The following NXN variants were observed in gnomAD, a reference collection of about 807,000 sequenced individuals.
NXN encodes nucleoredoxin 1.
A neutral mutation model predicts 48.6 loss-of-function variants in NXN; 16 were observed. The observed-to-expected ratio is 0.33, with a 90% CI of 0.22 to 0.50. NXN has a LOEUF of 0.50. Ranked by LOEUF, NXN falls within the 20% of genes least tolerant of loss-of-function variation. NXN has a pLI of 0.98. For missense variants in NXN, 492 were observed against 605.5 expected, an observed-to-expected ratio of 0.81 and a Z score of 1.97; for synonymous variants, 281 against 269.6, an observed-to-expected ratio of 1.04 and a Z score of -0.41.
rs1221156589 is a variant in NXN at position 853,723 on chromosome 17, A to ATTTTT, written c.361-27650_361-27646dup. 1.7e-3 allele frequency among the ~76,000 whole-genome samples: 175 copies of ATTTTT among 105,952 alleles called. 3 individuals are homozygous for ATTTTT. Among genetic ancestry groups the ATTTTT allele is most frequent in the African/African-American group, 6.2e-3 (145 of 23,224 alleles). The allele number at this position is 105,952 out of a possible 152,430, so 69.5% of individuals were successfully genotyped here. ...TACACATATATATATATATATATAT[A>ATTTTT]TTTTTTTTTTTTTTTCCAAGACGGA... On this transcript the variant is annotated intron_variant, in intron 1 of 7. Transcript: ENST00000336868.
At chr17:960,400 G>C (rs1197400363) in intron 1 of NXN, among the ~76,000 whole-genome samples, 1 of 152,100 alleles carries the variant, frequency 6.6e-6, no homozygotes, top group Non-Finnish European at 1.5e-5. Context: ...CTGGGGTGCA[G>C]TGGCAGGATC....
chr17:812,934 G>C (rs1912235556), intron 5 of NXN, among the ~76,000 whole-genome samples: 3 of 150,312 alleles, frequency 2.0e-5, no homozygotes, highest in African/African-American at 7.3e-5. Flanking sequence ...GCGTGTGTGA[G>C]TGTGCATATG....
intron 1 of NXN, among the ~76,000 whole-genome samples, chr17:950,785 C>G (rs1288234319): frequency 1.3e-5 from 2 of 152,028 alleles, no homozygotes; most frequent in African/African-American, 4.8e-5. Context: ...ACACGCAACA[C>G]TGTTCCCAAG....
At chr17:806,572 C>T (rs1239162067) in intron 5 of NXN, among the ~76,000 whole-genome samples, 3 of 152,136 alleles carry the variant, frequency 2.0e-5, no homozygotes, top group Non-Finnish European at 4.4e-5. Flanking sequence ...AGCCGCTCCC[C>T]CCACACCCTG....
chr17:812,904 A>ATGTGTGACTGTAGGTGTGTGCG (rs1912225141), intron 5 of NXN, among the ~76,000 whole-genome samples: 1 of 117,630 alleles, frequency 8.5e-6, no homozygotes, highest in Non-Finnish European at 1.8e-5. Context: ...AGGTGTGTGC[A>ATGTGTGACTGTAGGTGTGTGCG]TGTGTGACTG....
At chr17:834,006 C>T (rs926079554) in intron 1 of NXN, among the ~76,000 whole-genome samples, 3 of 152,228 alleles carry the variant, frequency 2.0e-5, no homozygotes, top group African/African-American at 4.8e-5. Flanking sequence ...ACTGAGAGAA[C>T]TCACTGTCCT....
intron 5 of NXN, among the ~76,000 whole-genome samples, chr17:812,403 T>A (rs989885817): frequency 1.3e-5 from 2 of 152,172 alleles, no homozygotes; most frequent in Non-Finnish European, 2.9e-5. Context: ...TGTGAAGGAA[T>A]CTTTATACAA....
intron 1 of NXN, among the ~76,000 whole-genome samples, chr17:850,882 A>G (rs903985983): frequency 6.6e-6 from 1 of 152,218 alleles, no homozygotes; most frequent in Non-Finnish European, 1.5e-5. Context: ...CCAGTGCCAC[A>G]GAACCAAGAC....
rs370842942 is a variant in NXN, at chr17:919,191, C to T, written c.360+60128G>A. ...CATCCTGGCTAACATGGTGAAAGCC[C>T]GTCTCTACTACAAATACAAAAATCA... On this transcript the variant is annotated intron_variant, in intron 1 of 7. Coordinates refer to ENST00000336868, the MANE Select transcript of NXN (RefSeq NM_022463.5). The surrounding 1 kb of genome is among the most constrained non-coding windows in gnomAD (Gnocchi z 5.1). Among the ~76,000 whole-genome samples, 6 of 152,098 alleles carry T rather than the reference C, an allele frequency of 3.9e-5. No individual in the cohort carries two copies. The highest frequency in any genetic ancestry group is 7.2e-5 in the African/African-American group (3 of 41,522).
chr17:831,269 G>C (rs910041597), intron 1 of NXN, among the ~76,000 whole-genome samples: 3 of 151,882 alleles, frequency 2.0e-5, no homozygotes, highest in Admixed American at 6.6e-5. Context: ...AGACCAGCCT[G>C]GGCAACATAG....
At chr17:822,626 G>A (rs1240569027) in intron 3 of NXN, among the ~76,000 whole-genome samples, 169 bp from the exon 4 acceptor site, 1 of 152,134 alleles carries the variant, frequency 6.6e-6, no homozygotes, top group East Asian at 1.9e-4. Context: ...GGAGGCTGAG[G>A]TCAGAAGATC....
chr17:971,593 C>T lies in NXN; in HGVS notation c.360+7726G>A, dbSNP rs928032640. On this transcript the variant is annotated intron_variant, in intron 1 of 7. Transcript: ENST00000336868. ...GGCGTGAGGGCGGGCACCTGTGGTC[C>T]CAGCTCCTCGGGAGGCTGCGGCAGG... 4.6e-5 allele frequency among the ~76,000 whole-genome samples: 7 copies of T among 151,842 alleles called. No individual in the cohort carries two copies. In the South Asian group the frequency reaches 1.0e-3, roughly 23 times the overall value.
chr17:812,141 A>C (rs908623439), intron 5 of NXN, among the ~76,000 whole-genome samples: 4 of 150,522 alleles, frequency 2.7e-5, no homozygotes, highest in African/African-American at 7.3e-5. Flanking sequence ...GTTAGCCAGG[A>C]CGGTCTCGAT....
At chr17:877,800 C>T (rs9890211) in intron 1 of NXN, 33,773 of 152,038 alleles carry the variant, frequency 0.22, 3,963 homozygotes, top group Middle Eastern at 0.34. Context: ...AAGAATGAAC[C>T]GGTTTTCACC....
chr17:937,693 C>CA, intron 1 of NXN, among the ~76,000 whole-genome samples: 1 of 152,186 alleles, frequency 6.6e-6, no homozygotes. Context: ...ATCCTGGAGA[C>CA]AGACATCAAA....
At chr17:913,216 C>A (rs567920114) in intron 1 of NXN, among the ~76,000 whole-genome samples, 2 of 152,188 alleles carry the variant, frequency 1.3e-5, no homozygotes, top group East Asian at 3.9e-4. Flanking sequence ...ATTCATGAGT[C>A]ACCAAAAATC....
At chr17:925,043 G>A (rs945986033) in intron 1 of NXN, among the ~76,000 whole-genome samples, 4 of 152,234 alleles carry the variant, frequency 2.6e-5, no homozygotes, top group Non-Finnish European at 5.9e-5. Flanking sequence ...GCGGATTCAG[G>A]TGTAAGAACT....
intron 1 of NXN, among the ~76,000 whole-genome samples, chr17:882,117 A>G (rs1279641062): frequency 6.6e-6 from 1 of 152,192 alleles, no homozygotes; most frequent in Non-Finnish European, 1.5e-5. Flanking sequence ...AAGAACTCAT[A>G]CCAACAAGAA....
Position 924,552 on chromosome 17 carries a change from G to T in NXN, c.360+54767C>A, listed in dbSNP as rs8075958. The stretch of plus-strand genomic sequence containing the variant: ...GCGCCCGGCCGATTTTTAATTTGTT[G>T]TTGTGATAGAACATACATAACAGAA... On this transcript the variant is annotated intron_variant, in intron 1 of 7. Coordinates refer to ENST00000336868, the MANE Select transcript of NXN (RefSeq NM_022463.5). Among the ~76,000 whole-genome samples, 13 of 152,132 alleles carry T rather than the reference G, an allele frequency of 8.5e-5. No individual in the cohort carries two copies. The South Asian group carries it at 2.3e-3, about 27-fold the overall frequency.
Sources: gnomAD v4.1 joint callset for allele counts (sites outside exome capture counted in the v4.1 genomes callset) on GRCh38, gnomAD v4.1.1 for gene constraint, Gnocchi (gnomAD v3.1) non-coding constraint, MANE v1.5 for transcripts, NCBI Gene and HGNC (gene_info 2026-07-23, HGNC 2026-07-21) for gene names.